Variants in CIRSR observed in about 807,000 individuals in gnomAD.
CIRSR encodes corepressor of RBPJ and splicing regulator.
the CIRSR span, among the ~76,000 whole-genome samples, chr2:174,361,824 G>A: frequency 1.3e-5 from 2 of 152,160 alleles, no homozygotes; most frequent in East Asian, 1.9e-4. Flanking sequence ...CATTTGTGGT[G>A]TGTCTAGAAC....
the CIRSR span, chr2:174,348,382 A>G: frequency 6.8e-7 from 1 of 1,462,332 alleles, no homozygotes; most frequent in Non-Finnish European, 9.0e-7. Flanking sequence ...GAGCTTTTTT[A>G]TTAGAAAGAC....
chr2:174,362,107 G>C, the CIRSR span, among the ~76,000 whole-genome samples: 88,408 of 151,860 alleles, frequency 0.58, 28,405 homozygotes, highest in East Asian at 0.8. Context: ...AGACTAGCCT[G>C]GGCAACATAG....
the CIRSR span, among the ~76,000 whole-genome samples, chr2:174,383,866 A>G: frequency 1.3e-5 from 2 of 151,188 alleles, no homozygotes; most frequent in African/African-American, 4.9e-5. Flanking sequence ...AAAAAAAAAA[A>G]AGAAAATAAC....
chr2:174,395,707 A>G, the CIRSR span: 3 of 1,612,310 alleles, frequency 1.9e-6, no homozygotes, highest in African/African-American at 1.3e-5. Context: ...CTGCGTTTCC[A>G]GCAGCAAGGG....
chr2:174,358,163 G>C, the CIRSR span: 7 of 152,166 alleles, frequency 4.6e-5, no homozygotes, highest in African/African-American at 1.7e-4. Context: ...ATATGAAACT[G>C]TCCTTATTGT....
chr2:174,381,808 T>C, the CIRSR span: 1 of 1,477,104 alleles, frequency 6.8e-7, no homozygotes, highest in Non-Finnish European at 9.1e-7. Context: ...TTAACGATTT[T>C]ATGTAGGACA....
the CIRSR span, among the ~76,000 whole-genome samples, chr2:174,391,725 T>TA: frequency 2.2e-4 from 33 of 152,106 alleles, no homozygotes; most frequent in Admixed American, 6.5e-5. Context: ...GATTTGTGCT[T>TA]AAAAAAAGAC....
chr2:174,353,113 C>T, the CIRSR span, among the ~76,000 whole-genome samples: 326 of 151,964 alleles, frequency 2.1e-3, 1 homozygote, highest in African/African-American at 7.3e-3. Context: ...ATTCATATTG[C>T]GAAGAACAAC....
chr2:174,386,593 C>T, the CIRSR span, among the ~76,000 whole-genome samples: 6 of 152,132 alleles, frequency 3.9e-5, no homozygotes, highest in African/African-American at 1.4e-4. Flanking sequence ...ATAGTCTCCA[C>T]CCACTAGATG....
chr2:174,355,365 G>T, the CIRSR span, among the ~76,000 whole-genome samples: 1 of 152,132 alleles, frequency 6.6e-6, no homozygotes, highest in Non-Finnish European at 1.5e-5. Flanking sequence ...TAATACTAGA[G>T]AATTCAGAAA....
chr2:174,369,762 C>A, the CIRSR span, among the ~76,000 whole-genome samples: 88,489 of 152,062 alleles, frequency 0.58, 28,403 homozygotes, highest in East Asian at 0.8. Flanking sequence ...TCAGAATACA[C>A]AAAATGTTTA....
At chr2:174,369,954 T>C in the CIRSR span, 3 of 1,362,000 alleles carry the variant, frequency 2.2e-6, no homozygotes, top group Admixed American at 5.8e-5. Context: ...GTTGGAAAAC[T>C]GGTGCTGATA....
the CIRSR span, chr2:174,380,214 G>A: frequency 1.7e-5 from 27 of 1,597,022 alleles, no homozygotes; most frequent in Non-Finnish European, 2.2e-5. Context: ...GAATACCAAA[G>A]GGCTGATCTC....
the CIRSR span, among the ~76,000 whole-genome samples, chr2:174,357,799 G>A: frequency 1.3e-5 from 2 of 152,192 alleles, no homozygotes; most frequent in East Asian, 3.9e-4. Context: ...TTAAAAAAGG[G>A]GCTCAGTAGG....
chr2:174,351,567 A>G, the CIRSR span: 1 of 1,451,254 alleles, frequency 6.9e-7, no homozygotes, highest in East Asian at 2.3e-5. Context: ...TTCACAAGCA[A>G]TCACATTTAG....
chr2:174,390,351 C>T, the CIRSR span, among the ~76,000 whole-genome samples: 1 of 152,266 alleles, frequency 6.6e-6, no homozygotes, highest in African/African-American at 2.4e-5. Context: ...GGATTTTGGA[C>T]TTGCATGGGG....
the CIRSR span, chr2:174,349,226 A>G: frequency 1.1e-6 from 1 of 935,694 alleles, no homozygotes; most frequent in South Asian, 2.0e-5. Flanking sequence ...TTATTTCATC[A>G]ACTGTAAGTT....
At chr2:174,356,620 A>AG in the CIRSR span, among the ~76,000 whole-genome samples, 1 of 150,064 alleles carries the variant, frequency 6.7e-6, no homozygotes, top group Admixed American at 6.7e-5. Context: ...GAAGGAAGGA[A>AG]GAAGGGGAAG....
At chr2:174,376,711 C>T in the CIRSR span, among the ~76,000 whole-genome samples, 21 of 148,532 alleles carry the variant, frequency 1.4e-4, no homozygotes, top group South Asian at 6.3e-4. Flanking sequence ...GGCAGGAGAA[C>T]GGCATGAACC....
Sources: allele counts gnomAD v4.1 joint callset (sites outside exome capture counted in the v4.1 genomes callset), GRCh38; gene constraint gnomAD v4.1.1; transcripts MANE v1.5; gene names NCBI Gene and HGNC (gene_info 2026-07-23, HGNC 2026-07-21).